Variants in PUDP observed in about 807,000 individuals in gnomAD.
The protein encoded by PUDP is pseudouridine 5'-phosphatase.
Under a neutral mutation model 9.4 loss-of-function variants are expected in PUDP, and 8 were observed. The ratio of observed to expected loss-of-function variants is 0.85; its 90% CI spans 0.50 to 1.53. PUDP has a LOEUF of 1.53. Among genes scored for constraint, PUDP ranks in the 40% most tolerant of loss-of-function variants. PUDP has a pLI of 0.00. For missense variants in PUDP, 188 were observed against 189.7 expected (o/e 0.99, Z 0.05); for synonymous variants, 99 against 80.7 (o/e 1.23, Z -1.22).
chrX:7,134,487 C>G (rs1347696072), intron 1 of PUDP, among the ~76,000 whole-genome samples: 1 of 112,158 alleles, frequency 8.9e-6, no homozygotes, highest in Non-Finnish European at 1.9e-5. Context: ...GGACAAGTCG[C>G]CTCAATTCTA....
intron 3 of PUDP, among the ~76,000 whole-genome samples, chrX:6,727,657 G>A (rs1486852428): frequency 8.9e-6 from 1 of 111,909 alleles, no homozygotes; most frequent in Non-Finnish European, 1.9e-5. Flanking sequence ...AGCTGTCTTA[G>A]TCAGATGGCC....
chrX:6,770,035 GGAGTTCCA>G (rs1317148016), intron 3 of PUDP, among the ~76,000 whole-genome samples: 2 of 112,298 alleles, frequency 1.8e-5, no homozygotes, highest in African/African-American at 6.5e-5. Flanking sequence ...TTCCCACAAT[GGAGTTCCA>G]TTTTCATTTT....
At position 6,891,802 on chromosome X, in the gene PUDP, C is replaced by G. The variant is rs186867673; in HGVS notation, c.*247+85331G>C. On this transcript the variant is annotated intron_variant and NMD_transcript_variant, in intron 3 of 3. Coordinates refer to the PUDP transcript ENST00000655425. ...AGGGGCACCTCTTCCATGAAGACCT[C>G]TATGGTTCCTACCTTCCGCTTTCCC... Among the ~76,000 whole-genome samples, 81 of 112,079 alleles carry G rather than the reference C, an allele frequency of 7.2e-4. No individual in the cohort carries two copies. In the East Asian group the frequency reaches 0.019, roughly 26 times the overall value.
At chrX:7,088,267 C>A (rs752970373) in intron 2 of PUDP, among the ~76,000 whole-genome samples, 2 of 110,797 alleles carry the variant, frequency 1.8e-5, no homozygotes, top group Non-Finnish European at 3.8e-5. Flanking sequence ...TAAGTAGCAA[C>A]AGGATTTTAC....
At chrX:6,912,336 G>C (rs188076249) in intron 3 of PUDP, among the ~76,000 whole-genome samples, 1 of 111,896 alleles carries the variant, frequency 8.9e-6, no homozygotes, top group African/African-American at 3.2e-5. Context: ...TTGCATATAA[G>C]AAAAATGCCT....
intron 1 of PUDP, among the ~76,000 whole-genome samples, chrX:7,137,665 G>A (rs1325909722): frequency 8.9e-6 from 1 of 112,546 alleles, no homozygotes; most frequent in Non-Finnish European, 1.9e-5. Flanking sequence ...TGTGTGCTCC[G>A]ACACAGTGAG....
intron 3 of PUDP, among the ~76,000 whole-genome samples, chrX:6,782,066 C>T (rs1285421456): frequency 9.0e-6 from 1 of 111,651 alleles, no homozygotes; most frequent in Admixed American, 9.5e-5. Flanking sequence ...CGTGTCTACA[C>T]TGCCTAAGAC....
chrX:6,750,061 G>A (rs188436381), intron 3 of PUDP, among the ~76,000 whole-genome samples: 1 of 111,976 alleles, frequency 8.9e-6, no homozygotes, highest in Non-Finnish European at 1.9e-5. Context: ...GGGGATGGAT[G>A]GTACACACTC....
intron 1 of PUDP, chrX:7,113,269 C>T (rs1342570415): frequency 8.8e-6 from 1 of 113,077 alleles, no homozygotes; most frequent in Non-Finnish European, 1.9e-5. Context: ...CTGGCCAGGC[C>T]CTTGCAAACA....
Position 6,817,033 on chromosome X carries a change from A to AT in PUDP, c.*248-110568_*248-110567insA, listed in dbSNP as rs772994526. Among the ~76,000 whole-genome samples, 8 of 68,647 alleles carry AT rather than the reference A, an allele frequency of 1.2e-4. No individual in the cohort carries two copies. In the South Asian group the frequency reaches 5.7e-3, roughly 49 times the overall value. The allele number at this position is 68,647 out of a possible 115,157, so 59.6% of individuals were successfully genotyped here. Reference sequence around the variant, plus strand: ...TATACACATATAGTATATACTATATAGTATATACAATATATATACACTATA... The same window carrying AT: ...TATACACATATAGTATATACTATATATGTATATACAATATATATACACTATA... On this transcript the variant is annotated intron_variant and NMD_transcript_variant, in intron 3 of 3. Transcript: ENST00000655425.
intron 3 of PUDP, among the ~76,000 whole-genome samples, chrX:6,805,585 T>C (rs763310556): frequency 9.0e-6 from 1 of 110,532 alleles, no homozygotes; most frequent in Admixed American, 9.6e-5. Context: ...AGTGGCGTGA[T>C]CATGGCTCAC....
At position 6,735,781 on chromosome X, in the gene PUDP, C is replaced by T. The variant is rs1280945931; in HGVS notation, c.*248-29315G>A. 2.7e-5 allele frequency among the ~76,000 whole-genome samples: 3 copies of T among 111,137 alleles called. No homozygotes were observed. In the East Asian group the frequency reaches 8.4e-4, roughly 31 times the overall value. On this transcript the variant is annotated intron_variant and NMD_transcript_variant, in intron 3 of 3. Transcript: ENST00000655425. ...CCATTTACACACTTGATGTGTACAG[C>T]TTTCCAAATAGGGAGGCCAAATAGG...
intron 1 of PUDP, among the ~76,000 whole-genome samples, chrX:7,000,289 G>A (rs1027782442): frequency 8.1e-5 from 9 of 111,150 alleles, no homozygotes; most frequent in African/African-American, 2.3e-4. Flanking sequence ...AAATATAACT[G>A]ACTCAAGAAG....
intron 1 of PUDP, among the ~76,000 whole-genome samples, chrX:7,021,598 G>A (rs1454693224): frequency 8.9e-6 from 1 of 111,995 alleles, no homozygotes; most frequent in East Asian, 2.8e-4. Flanking sequence ...AACTTTTGTG[G>A]GTGGGCTCTC....
At chrX:6,722,051 C>A (rs1277429073), upstream of PUDP, among the ~76,000 whole-genome samples, 1 of 110,105 alleles carries the variant, frequency 9.1e-6, no homozygotes, top group Non-Finnish European at 1.9e-5. Context: ...AAGGAACAGG[C>A]TAGTCAACAA....
chrX:6,936,853 C>A lies in PUDP; in HGVS notation c.*247+40280G>T, dbSNP rs1198793407. Among the ~76,000 whole-genome samples, 14 of 98,580 alleles carry A rather than the reference C, an allele frequency of 1.4e-4. No homozygotes were observed. The East Asian group carries it at 2.3e-3, about 16-fold the overall frequency. 85.6% of individuals were successfully genotyped at this position (98,580 alleles called of 115,157 possible). ...TTATACTCCAACAACAGACAGAGAG[C>A]CAAATCATGAGTGAACTCCCATTCA... On this transcript the variant is annotated intron_variant and NMD_transcript_variant, in intron 3 of 3. Coordinates refer to the PUDP transcript ENST00000655425.
chrX:6,767,938 G>GT (rs1761537501), intron 3 of PUDP, among the ~76,000 whole-genome samples: 1 of 111,210 alleles, frequency 9.0e-6, no homozygotes, highest in Non-Finnish European at 1.9e-5. Flanking sequence ...ACATACTGGA[G>GT]TTTTGGGGTT....
intron 3 of PUDP, among the ~76,000 whole-genome samples, chrX:7,053,063 T>C (rs1272052650): frequency 1.8e-5 from 2 of 112,161 alleles, no homozygotes; most frequent in South Asian, 7.4e-4. Context: ...GGACCAGAGA[T>C]AGGCACTTAA....
At chrX:6,940,324 A>C (rs1211672289) in intron 3 of PUDP, among the ~76,000 whole-genome samples, 1 of 112,999 alleles carries the variant, frequency 8.8e-6, no homozygotes, top group East Asian at 2.8e-4. Flanking sequence ...AGTGGCGACA[A>C]GGACCATATG....
Sources: allele counts gnomAD v4.1 joint callset (sites outside exome capture counted in the v4.1 genomes callset), GRCh38; gene constraint gnomAD v4.1.1; transcripts MANE v1.5; gene names NCBI Gene and HGNC (gene_info 2026-07-23, HGNC 2026-07-21).